ENTREP2: variants seen among roughly 807,000 people sequenced by gnomAD.
ENTREP2 encodes the protein endosomal transmembrane epsin interactor 2, also known as protein ENTREP2.
At chr15:29,207,307 G>A in the ENTREP2 span, among the ~76,000 whole-genome samples, 6 of 152,252 alleles carry the variant, frequency 3.9e-5, no homozygotes, top group Admixed American at 6.5e-5. Context: ...CCGACTTCAA[G>A]AATGAGGCCG....
the ENTREP2 span, among the ~76,000 whole-genome samples, chr15:29,657,483 CGG>C: frequency 0.26 from 18,260 of 69,924 alleles, 1,670 homozygotes; most frequent in Middle Eastern, 0.45. Context: ...GCTGGGGGGG[CGG>C]GGGGGGGGGG....
chr15:29,512,112 A>T, the ENTREP2 span, among the ~76,000 whole-genome samples: 2 of 152,140 alleles, frequency 1.3e-5, no homozygotes, highest in Non-Finnish European at 1.5e-5. Flanking sequence ...AACAAAAAAA[A>T]TGAAATGAGC....
the ENTREP2 span, among the ~76,000 whole-genome samples, chr15:29,549,555 C>G: frequency 6.6e-6 from 1 of 152,192 alleles, no homozygotes; most frequent in African/African-American, 2.4e-5. Flanking sequence ...CAGGCATGAG[C>G]CACTGTGCCC....
the ENTREP2 span, among the ~76,000 whole-genome samples, chr15:29,510,193 G>A: frequency 1.3e-5 from 2 of 152,108 alleles, no homozygotes; most frequent in African/African-American, 2.4e-5. Flanking sequence ...TAAGAACCAC[G>A]ATGAGATGCC....
chr15:29,364,826 T>TCC, the ENTREP2 span, among the ~76,000 whole-genome samples: 2 of 152,070 alleles, frequency 1.3e-5, no homozygotes, highest in African/African-American at 4.8e-5. Context: ...TCCCATACAC[T>TCC]CCCTCCCTCC....
chr15:29,325,479 T>A, the ENTREP2 span, among the ~76,000 whole-genome samples: 1 of 152,126 alleles, frequency 6.6e-6, no homozygotes, highest in Non-Finnish European at 1.5e-5. Context: ...AGGAACTCTA[T>A]ACCTCTAAAT....
chr15:29,426,528 C>G, the ENTREP2 span, among the ~76,000 whole-genome samples: 4 of 152,134 alleles, frequency 2.6e-5, no homozygotes, highest in Admixed American at 2.6e-4. Flanking sequence ...TTTAGCTTTT[C>G]TCTCCTAATT....
chr15:29,630,612 G>T, the ENTREP2 span, among the ~76,000 whole-genome samples: 1 of 152,088 alleles, frequency 6.6e-6, no homozygotes, highest in Non-Finnish European at 1.5e-5. Context: ...TGACATAAAC[G>T]CTAGTTCTTT....
chr15:29,478,017 A>ATTTTTT, the ENTREP2 span, among the ~76,000 whole-genome samples: 38 of 56,946 alleles, frequency 6.7e-4, no homozygotes, highest in Non-Finnish European at 8.9e-4. Context: ...ATATATATAT[A>ATTTTTT]TATTTTTTTT....
the ENTREP2 span, among the ~76,000 whole-genome samples, chr15:29,251,693 C>T: frequency 6.7e-6 from 1 of 150,212 alleles, no homozygotes; most frequent in African/African-American, 2.5e-5. Flanking sequence ...CTGAATGTGG[C>T]CCAACACAAA....
At chr15:29,505,093 T>C in the ENTREP2 span, among the ~76,000 whole-genome samples, 13 of 152,218 alleles carry the variant, frequency 8.5e-5, no homozygotes, top group Non-Finnish European at 1.5e-4. This position sits in a 1 kb window ranked among gnomAD's most constrained non-coding sequence, Gnocchi z 4.3. Flanking sequence ...TGGATACTTA[T>C]AAAGACAATA....
At chr15:29,444,475 CTTTTTTTT>C in the ENTREP2 span, among the ~76,000 whole-genome samples, 1 of 140,168 alleles carries the variant, frequency 7.1e-6, no homozygotes, top group African/African-American at 2.8e-5. Flanking sequence ...TTCTTTTTTT[CTTTTTTTT>C]CTTTTTTTTT....
chr15:29,652,753 C>T, the ENTREP2 span, among the ~76,000 whole-genome samples: 23 of 152,318 alleles, frequency 1.5e-4, no homozygotes, highest in African/African-American at 2.6e-4. Flanking sequence ...CTTCAGGAGC[C>T]GGCCCACTTG....
At chr15:29,177,296 A>G in the ENTREP2 span, among the ~76,000 whole-genome samples, 3 of 152,200 alleles carry the variant, frequency 2.0e-5, no homozygotes, top group Non-Finnish European at 2.9e-5. Flanking sequence ...CAGGATCCTC[A>G]TCCACGGGAA....
chr15:29,351,997 C>T, the ENTREP2 span, among the ~76,000 whole-genome samples: 1 of 152,050 alleles, frequency 6.6e-6, no homozygotes, highest in Non-Finnish European at 1.5e-5. Flanking sequence ...TGTAGTGGCA[C>T]AATCATAACT....
the ENTREP2 span, among the ~76,000 whole-genome samples, chr15:29,607,798 G>GGATAGATAGATGGATAGATAGATAGATA: frequency 6.7e-6 from 1 of 149,832 alleles, no homozygotes; most frequent in Non-Finnish European, 1.5e-5. Context: ...TAGAATAGAG[G>GGATAGATAGATGGATAGATAGATAGATA]GATAGATAGA....
chr15:29,362,502 G>A, the ENTREP2 span, among the ~76,000 whole-genome samples: 1 of 150,730 alleles, frequency 6.6e-6, no homozygotes, highest in Non-Finnish European at 1.5e-5. Flanking sequence ...AGCCTCCAGA[G>A]TAGCTGGGAC....
chr15:29,474,211 T>A, the ENTREP2 span, among the ~76,000 whole-genome samples: 1 of 152,060 alleles, frequency 6.6e-6, no homozygotes, highest in Admixed American at 6.6e-5. Context: ...AGTTTAGAGT[T>A]GGTGGGCGAG....
the ENTREP2 span, among the ~76,000 whole-genome samples, chr15:29,298,590 G>A: frequency 6.6e-6 from 1 of 151,986 alleles, no homozygotes; most frequent in Non-Finnish European, 1.5e-5. Context: ...CAAATTTATA[G>A]GAATACATTT....
Sources: gnomAD v4.1 joint callset for allele counts (sites outside exome capture counted in the v4.1 genomes callset) on GRCh38, gnomAD v4.1.1 for gene constraint, Gnocchi (gnomAD v3.1) non-coding constraint, MANE v1.5 for transcripts, NCBI Gene and HGNC (gene_info 2026-07-23, HGNC 2026-07-21) for gene names.